The following FBN1 variants were observed in gnomAD, a reference collection of about 807,000 sequenced individuals.
FBN1 encodes fibrillin 1, also known as fibrillin-1.
In FBN1, 29 loss-of-function variants were observed where a neutral mutation model predicts 365.1. The observed-to-expected ratio is 0.08, with a 90% CI of 0.06 to 0.11. The LOEUF is 0.11. Ranked by LOEUF, FBN1 falls within the 10% of genes least tolerant of loss-of-function variation. FBN1 has a pLI of 1.00. For synonymous variants in FBN1, 1,210 were observed against 1,270.5 expected, an observed-to-expected ratio of 0.95 and a Z score of 1.01; for missense variants, 2,476 against 3,703.2, an observed-to-expected ratio of 0.67 and a Z score of 8.60.
rs767459487 is a variant in FBN1, at chr15:48,489,839, G to GT, written c.3082+11dup. On this transcript the variant is annotated intron_variant, in intron 25 of 65. Coordinates refer to ENST00000316623, the MANE Select transcript of FBN1 (RefSeq NM_000138.5). ...AGGGAGGCAATTGGCCATGGAAAAC[G>GT]TAACATTGTACCTTTGAAGAAAGGC... 27 of 1,610,474 alleles carry GT rather than the reference G, an allele frequency of 1.7e-5. No homozygotes were observed. The highest frequency in any genetic ancestry group is 2.1e-5 in the Non-Finnish European group (25 of 1,176,882).
intron 3 of FBN1, 111 bp from the exon 4 acceptor site, chr15:48,610,937 C>T: frequency 5.0e-6 from 4 of 792,590 alleles, no homozygotes; most frequent in East Asian, 2.7e-5. Flanking sequence ...ACAAACTTTG[C>T]TATCATGACT....
intron 41 of FBN1, 25 bp from the exon 42 acceptor site, chr15:48,463,265 T>C (rs765837498): frequency 5.0e-6 from 8 of 1,611,952 alleles, no homozygotes; most frequent in African/African-American, 1.3e-5. Context: ...AAAAAAAGGA[T>C]TGGAGGGTTG....
Position 48,422,217 on chromosome 15 carries a change from A to G in FBN1, c.7454-149T>C, listed in dbSNP as rs535204226. On this transcript the variant is annotated intron_variant, in intron 60 of 65. Coordinates refer to ENST00000316623, the MANE Select transcript of FBN1 (RefSeq NM_000138.5). The stretch of plus-strand genomic sequence containing the variant: ...CACAGCAAAAGGCAAGGAGAGACAC[A>G]GGGGGTAAAGATCTGAAAGATAAAA... The G allele has an allele frequency of 7.8e-5, 54 of 688,270 alleles. No homozygotes were observed. In the African/African-American group the frequency reaches 9.5e-4, roughly 12 times the overall value. 42.6% of individuals were successfully genotyped at this position (688,270 alleles called of 1,614,324 possible).
chr15:48,446,877 C>A, intron 46 of FBN1, 55 bp from the exon 47 acceptor site: 2 of 1,246,416 alleles, frequency 1.6e-6, no homozygotes, highest in Non-Finnish European at 2.4e-6. Flanking sequence ...AAAGTGGTTA[C>A]ACGGTTACAG....
chr15:48,617,482 T>G (rs944235059), intron 2 of FBN1, among the ~76,000 whole-genome samples: 1 of 152,218 alleles, frequency 6.6e-6, no homozygotes, highest in African/African-American at 2.4e-5. Flanking sequence ...CAGCATAAAC[T>G]GTTTTTACCT....
chr15:48,519,747 T>C (rs1475541585), intron 10 of FBN1, among the ~76,000 whole-genome samples: 2 of 152,184 alleles, frequency 1.3e-5, no homozygotes, highest in Non-Finnish European at 2.9e-5. Flanking sequence ...CAATGAAAAC[T>C]CAATCATATA....
chr15:48,512,502 C>T (rs1030113016), intron 13 of FBN1, among the ~76,000 whole-genome samples: 2 of 152,134 alleles, frequency 1.3e-5, no homozygotes, highest in African/African-American at 4.8e-5. Flanking sequence ...CAATAGGCCC[C>T]GGTGTGTGTT....
rs377686210 is a variant in FBN1 at position 48,505,129 on chromosome 15, G to T, written c.1856C>A (p.Thr619Asn). The change falls in exon 16 of 66, where the codon ACC (threonine) becomes AAC (asparagine). Residue 619 changes from threonine (T) to asparagine (N), a missense_variant. Coordinates refer to ENST00000316623, the MANE Select transcript of FBN1 (RefSeq NM_000138.5). The stretch of plus-strand genomic sequence containing the variant: ...ACGCCCATTCATGCAGATCCCAGGG[G>T]TTTCACACTCGTTAATGTCTGTGGC... The part of the protein sequence containing the change: ...RYCKDINECE[T>N]PGICMNGRCV... 67 of 1,613,954 alleles carry T rather than the reference G, an allele frequency of 4.2e-5. No individual in the cohort carries two copies. Among genetic ancestry groups the T allele is most frequent in the Non-Finnish European group, 5.5e-5 (65 of 1,180,010 alleles).
intron 3 of FBN1, among the ~76,000 whole-genome samples, chr15:48,611,374 C>T (rs1017396783): frequency 6.6e-6 from 1 of 152,090 alleles, no homozygotes; most frequent in Non-Finnish European, 1.5e-5. Context: ...CATTCTCCTG[C>T]CTCAGCCTCC....
Position 48,492,599 on chromosome 15 carries a change from A to C in FBN1, c.2729-13T>G, listed in dbSNP as rs1167118935. 6.5e-7 allele frequency: 1 copy of C among 1,548,618 alleles called. No individual in the cohort carries two copies. The highest frequency in any genetic ancestry group is 8.9e-7 in the Non-Finnish European group (1 of 1,124,680). On this transcript the variant is annotated splice_polypyrimidine_tract_variant and intron_variant, in intron 23 of 65. Coordinates refer to ENST00000316623, the MANE Select transcript of FBN1 (RefSeq NM_000138.5). Reference sequence around the variant, plus strand: ...CATTCATCTATATCTAAAAAGAAAAAAAAAGTATAAAGTTAATATATCTTT... The same window carrying C: ...CATTCATCTATATCTAAAAAGAAAACAAAAGTATAAAGTTAATATATCTTT...
intron 2 of FBN1, among the ~76,000 whole-genome samples, chr15:48,616,792 T>A (rs993802864): frequency 3.3e-5 from 5 of 152,180 alleles, no homozygotes; most frequent in Admixed American, 6.5e-5. Flanking sequence ...CAACAAATTT[T>A]AAAAAATTAA....
chr15:48,548,992 G>A (rs2141371192), intron 6 of FBN1, among the ~76,000 whole-genome samples: 1 of 152,282 alleles, frequency 6.6e-6, no homozygotes, highest in Non-Finnish European at 1.5e-5. Context: ...CGCCATCCTG[G>A]GATTTCACTA....
chr15:48,449,220 T>C (rs1022017457), intron 45 of FBN1, among the ~76,000 whole-genome samples: 1 of 152,182 alleles, frequency 6.6e-6, no homozygotes, highest in African/African-American at 2.4e-5. Context: ...CCACAGACTG[T>C]GGAATTAATT....
At chr15:48,495,984 A>G (rs2043605218) in intron 20 of FBN1, 116 bp downstream of exon 20, 1 of 1,352,320 alleles carries the variant, frequency 7.4e-7, no homozygotes, top group African/African-American at 1.4e-5. Flanking sequence ...ACAGAATTTC[A>G]ACTAAACTGG....
At chr15:48,432,741 C>T (rs181742942) in intron 55 of FBN1, 125 bp downstream of exon 55, 50 of 1,274,524 alleles carry the variant, frequency 3.9e-5, no homozygotes, top group East Asian at 2.8e-4. Flanking sequence ...TGACAACCCC[C>T]GTATTGTCCA....
intron 2 of FBN1, among the ~76,000 whole-genome samples, chr15:48,619,181 T>C (rs1427379745): frequency 6.6e-6 from 1 of 152,136 alleles, no homozygotes; most frequent in African/African-American, 2.4e-5. Context: ...AAGACTCTTT[T>C]CTGGATTGTC....
At chr15:48,464,710 CA>C (rs376612177) in intron 40 of FBN1, among the ~76,000 whole-genome samples, 244 of 152,228 alleles carry the variant, frequency 1.6e-3, no homozygotes, top group Non-Finnish European at 2.9e-3. Flanking sequence ...CTTATGCTCA[CA>C]AAATCTATGA....
chr15:48,596,628 C>T (rs1365511256), intron 5 of FBN1, among the ~76,000 whole-genome samples: 5 of 152,208 alleles, frequency 3.3e-5, no homozygotes, highest in Admixed American at 6.5e-5. Context: ...CTGAGCAATG[C>T]TTTCAGTTTA....
At chr15:48,569,377 A>T (rs2044287800) in intron 6 of FBN1, among the ~76,000 whole-genome samples, 1 of 152,168 alleles carries the variant, frequency 6.6e-6, no homozygotes, top group South Asian at 2.1e-4. Flanking sequence ...ATGGGAATGT[A>T]AAATGGTACA....
Sources: gnomAD v4.1 joint callset for allele counts (sites outside exome capture counted in the v4.1 genomes callset) on GRCh38, gnomAD v4.1.1 for gene constraint, MANE v1.5 for transcripts, NCBI Gene and HGNC (gene_info 2026-07-23, HGNC 2026-07-21) for gene names.